Variants in GSDMD observed in about 807,000 individuals in gnomAD.
The protein encoded by GSDMD is gasdermin D.
GSDMD carries 46 observed loss-of-function variants against 46.7 expected under a neutral mutation model. The ratio of observed to expected loss-of-function variants is 0.99; its 90% CI spans 0.78 to 1.26. GSDMD has a LOEUF of 1.26. GSDMD is among the 50% of genes most tolerant of loss of function. The pLI is 0.00. For missense variants in GSDMD, 649 were observed against 638.8 expected (o/e 1.02, Z -0.17); for synonymous variants, 307 against 283.1 (o/e 1.08, Z -0.85).
rs1396623085 is a variant in GSDMD at position 143,558,444 on chromosome 8, C to G, written c.-12C>G. Reference sequence around the variant, plus strand: ...AGACGCGCCACCCTCGGGGCGCCGACGGTCACGGTGAGCTGCGCCCCGCCC... The same window carrying G: ...AGACGCGCCACCCTCGGGGCGCCGAGGGTCACGGTGAGCTGCGCCCCGCCC... On this transcript the variant is annotated 5_prime_UTR_variant, in exon 1 of 11. Transcript: ENST00000262580. 6.7e-7 allele frequency: 1 copy of G among 1,502,268 alleles called. No homozygotes were observed. Among genetic ancestry groups the G allele is most frequent in the Non-Finnish European group, 8.8e-7 (1 of 1,132,264 alleles). 93.1% of individuals were successfully genotyped at this position (1,502,268 alleles called of 1,614,324 possible).
At chr8:143,560,890 G>C (rs1420882905) in intron 4 of GSDMD, 112 bp from the exon 5 acceptor site, 6 of 1,435,928 alleles carry the variant, frequency 4.2e-6, no homozygotes, top group South Asian at 1.3e-5. Flanking sequence ...CCCTGCGCTT[G>C]GCTGCGGAGC....
upstream of GSDMD, among the ~76,000 whole-genome samples, chr8:143,557,183 T>C (rs1823313456): frequency 6.6e-6 from 1 of 152,282 alleles, no homozygotes; most frequent in Admixed American, 6.5e-5. Flanking sequence ...AGGGTCTCAT[T>C]CCTTTTGACC....
rs1186520585 is a variant in GSDMD at position 143,559,979 on chromosome 8, A to C, written c.410+10A>C. The C allele has an allele frequency of 6.9e-7, 1 of 1,457,494 alleles. No homozygotes were observed. The highest frequency in any genetic ancestry group is 1.5e-5 in the South Asian group (1 of 67,526). The allele number at this position is 1,457,494 out of a possible 1,614,324, so 90.3% of individuals were successfully genotyped here. The stretch of plus-strand genomic sequence containing the variant: ...CTCTGCTCCATGAGAGGTGGGCCCG[A>C]AGAGGGCAGGGCAGGGCAGGGCCCC... On this transcript the variant is annotated intron_variant, in intron 3 of 10. Transcript: ENST00000262580.
chr8:143,558,427 CA>C lies in GSDMD; in HGVS notation c.-28del. On this transcript the variant is annotated 5_prime_UTR_variant, in exon 1 of 11. Transcript: ENST00000262580. Reference sequence around the variant, plus strand: ...GGGAGAGCAGACGCGCCAGACGCGCCACCCTCGGGGCGCCGACGGTCACGGT... The same window carrying C: ...GGGAGAGCAGACGCGCCAGACGCGCCCCCTCGGGGCGCCGACGGTCACGGT... 1 of 1,506,018 alleles carries C rather than the reference CA, an allele frequency of 6.6e-7. No individual in the cohort carries two copies. The highest frequency in any genetic ancestry group is 8.8e-7 in the Non-Finnish European group (1 of 1,133,936). The allele number at this position is 1,506,018 out of a possible 1,614,324, so 93.3% of individuals were successfully genotyped here.
At chr8:143,558,283 G>A (rs1338797838), upstream of GSDMD, 2 of 1,481,320 alleles carry the variant, frequency 1.4e-6, no homozygotes, top group East Asian at 2.7e-5. Flanking sequence ...GCAGGAAGGG[G>A]GCCGGGGCGG....
At position 143,559,924 on chromosome 8, in the gene GSDMD, C is replaced by T. The variant is rs536030209; in HGVS notation, c.365C>T (p.Ser122Leu). ...TCCAGCACCTCAATGAATGTGTACT[C>T]GCTGAGTGTGGACCCTAACACCTGG... Reference protein sequence around the residue: ...DSSSTSMNVYSLSVDPNTWQT... With the variant: ...DSSSTSMNVYLLSVDPNTWQT... The change falls in exon 3 of 11, where the codon TCG (serine) becomes TTG (leucine). Residue 122 changes from serine to leucine, a missense_variant. Ser to Leu is a moderately radical substitution (Grantham distance 145). Coordinates refer to ENST00000262580, the MANE Select transcript of GSDMD (RefSeq NM_024736.7). The T allele has an allele frequency of 3.0e-5, 48 of 1,612,802 alleles. No individual in the cohort carries two copies. Among genetic ancestry groups the T allele is most frequent in the African/African-American group, 2.3e-4 (17 of 75,062 alleles).
chr8:143,554,528 C>T (rs1563901055), upstream of GSDMD, among the ~76,000 whole-genome samples: 2 of 150,874 alleles, frequency 1.3e-5, no homozygotes, highest in South Asian at 4.2e-4. Flanking sequence ...TGCTCACGTG[C>T]ACAAACGCAC....
chr8:143,560,825 G>A (rs753824582), intron 4 of GSDMD, 54 bp downstream of exon 4: 13 of 1,461,690 alleles, frequency 8.9e-6, no homozygotes, highest in East Asian at 5.3e-5. Flanking sequence ...ATGCGGCGGC[G>A]GGTGACGGAG....
rs1342589452 is a variant in GSDMD at position 143,563,021 on chromosome 8, C to T, written c.*117C>T. 1 of 1,368,924 alleles carries T rather than the reference C, an allele frequency of 7.3e-7. No individual in the cohort carries two copies. The highest frequency in any genetic ancestry group is 1.0e-6 in the Non-Finnish European group (1 of 998,024). 84.8% of individuals were successfully genotyped at this position (1,368,924 alleles called of 1,614,324 possible). On this transcript the variant is annotated 3_prime_UTR_variant, in exon 11 of 11. Transcript: ENST00000262580. Reference sequence around the variant, plus strand: ...CATGTGGCCAGTCTACCATGGGGCCCAGGAGTTGGGGAAACACAATAAAGG... The same window carrying T: ...CATGTGGCCAGTCTACCATGGGGCCTAGGAGTTGGGGAAACACAATAAAGG...
rs756905592 is a variant in GSDMD at position 143,560,977 on chromosome 8, C to T, written c.580-25C>T. On this transcript the variant is annotated intron_variant, in intron 4 of 10. Transcript: ENST00000262580. ...CCCACGGCCCGGTGCCAGGGCCCAG[C>T]CCCGAGCCCATCTCCATGCCTCAGG... 1.9e-6 allele frequency: 3 copies of T among 1,602,334 alleles called. No individual in the cohort carries two copies. The African/African-American group carries it at 4.0e-5, about 21-fold the overall frequency.
intron 3 of GSDMD, 105 bp downstream of exon 3, chr8:143,560,074 A>C (rs73375262): frequency 4.4e-6 from 5 of 1,131,220 alleles, no homozygotes; most frequent in Non-Finnish European, 6.5e-6. Flanking sequence ...AGGTTTTGCT[A>C]TCTCGGCCAG....
At chr8:143,557,329 C>T (rs1366222349), upstream of GSDMD, among the ~76,000 whole-genome samples, 1 of 40,340 alleles carries the variant, frequency 2.5e-5, no homozygotes, top group Non-Finnish European at 5.6e-5. Flanking sequence ...AGGATGCTGC[C>T]GCTATGGTGA....
In GSDMD at chr8:143,562,797, G is replaced by T; in HGVS notation, c.1348G>T (p.Gly450Trp). Reference protein sequence around the residue: ...VLLDECGLELGEDTPHVCWEP... With the variant: ...VLLDECGLELWEDTPHVCWEP... ...GCTGGACGAGTGTGGCCTAGAGCTG[G>T]GGGAGGACACTCCCCACGTGTGCTG... The change falls in exon 11 of 11, where the codon GGG becomes TGG. Residue 450 changes from glycine (G) to tryptophan (W), a missense_variant. Coordinates refer to ENST00000262580, the MANE Select transcript of GSDMD (RefSeq NM_024736.7). 1.2e-6 allele frequency: 2 copies of T among 1,602,282 alleles called. No individual in the cohort carries two copies. Among genetic ancestry groups the T allele is most frequent in the East Asian group, 2.3e-5 (1 of 44,162 alleles).
chr8:143,561,971 C>A lies in GSDMD; in HGVS notation c.836C>A (p.Ala279Glu). ...LHNFLTDGVP[A>E]EGAFTEDFQG... is the part of the protein sequence containing the mutation. Reference sequence around the variant, plus strand: ...TCTGTCCCTACAGATGGGGTCCCTGCGGAGGGGGCGTTCACTGAAGACTTC... The same window carrying A: ...TCTGTCCCTACAGATGGGGTCCCTGAGGAGGGGGCGTTCACTGAAGACTTC... Residue 279 changes from alanine (A) to glutamate (E), a missense_variant, in exon 8 of 11, where the codon GCG becomes GAG. By Grantham distance (107) the Ala-to-Glu change is moderately radical (BLOSUM62 -1). Coordinates refer to ENST00000262580, the MANE Select transcript of GSDMD (RefSeq NM_024736.7). 7 of 1,608,114 alleles carry A rather than the reference C, an allele frequency of 4.4e-6. No homozygotes were observed. The highest frequency in any genetic ancestry group is 5.9e-6 in the Non-Finnish European group (7 of 1,178,230).
rs200540390 is a variant in GSDMD at position 143,562,749 on chromosome 8, G to A, written c.1300G>A (p.Glu434Lys). 3.5e-4 allele frequency: 551 copies of A among 1,586,710 alleles called. 8 individuals are homozygous for A. In the East Asian group the frequency reaches 0.011, roughly 31 times the overall value. ...PPGLLGNSWG[E>K]GAPAWVLLDE... is the part of the protein sequence containing the mutation. The stretch of plus-strand genomic sequence containing the variant: ...CGGGCTCCTGGGGAACAGCTGGGGC[G>A]AAGGAGCACCGGCCTGGGTCTTGCT... Residue 434 changes from glutamate (E) to lysine (K), a missense_variant, in exon 11 of 11, where the codon GAA (glutamate) becomes AAA (lysine). By Grantham distance (56) the Glu-to-Lys change is moderately conservative (BLOSUM62 1). Coordinates refer to ENST00000262580, the MANE Select transcript of GSDMD (RefSeq NM_024736.7).
chr8:143,560,806 C>G (rs548203699), intron 4 of GSDMD, 35 bp downstream of exon 4: 18 of 1,485,480 alleles, frequency 1.2e-5, no homozygotes, highest in South Asian at 4.1e-5. Flanking sequence ...CCTGGCCCCC[C>G]ACGTGGGCAT....
intron 6 of GSDMD, 152 bp from the exon 7 acceptor site, chr8:143,561,586 GACCC>G: frequency 1.1e-6 from 1 of 900,662 alleles, no homozygotes; most frequent in Non-Finnish European, 1.7e-6. Context: ...CAGGACAGCT[GACCC>G]TGGGCCTCCC....
chr8:143,558,331 G>GC, upstream of GSDMD: 1 of 1,522,818 alleles, frequency 6.6e-7, no homozygotes, highest in Non-Finnish European at 8.8e-7. Flanking sequence ...TCCTGGGCGG[G>GC]CCCTGCGTCA....
At chr8:143,557,341 G>GGATGATGCCGCTGTGACGACA (rs1563902648), upstream of GSDMD, among the ~76,000 whole-genome samples, 80 of 141,164 alleles carry the variant, frequency 5.7e-4, no homozygotes, top group African/African-American at 2.3e-3. Context: ...CTATGGTGAA[G>GGATGATGCCGCTGTGACGACA]GATGCTGCCG....
Sources: allele counts gnomAD v4.1 joint callset (sites outside exome capture counted in the v4.1 genomes callset), GRCh38; gene constraint gnomAD v4.1.1; transcripts MANE v1.5; gene names NCBI Gene and HGNC (gene_info 2026-07-23, HGNC 2026-07-21).